Variants in THSD4 observed in about 807,000 individuals in gnomAD.
THSD4 encodes the protein thrombospondin type 1 domain containing 4, also known as thrombospondin type-1 domain-containing protein 4.
THSD4 carries 69 observed loss-of-function variants against 119.0 expected under a neutral mutation model. The ratio of observed to expected loss-of-function variants is 0.58; its 90% confidence interval spans 0.48 to 0.71. The LOEUF (loss-of-function observed/expected upper bound fraction) is 0.71. Among genes scored for constraint, THSD4 ranks in the 30% least tolerant of loss-of-function variants. The probability of loss-of-function intolerance (pLI) is 0.00; values close to 1 mark genes in which losing one functional copy is unlikely to be tolerated. For synonymous variants in THSD4, 524 were observed against 540.4 expected (o/e 0.97, Z 0.42); for missense variants, 1,393 against 1,391.1 (o/e 1.00, Z -0.02).
chr15:71,486,816 C>T (rs1417539827), intron 7 of THSD4, among the ~76,000 whole-genome samples: 1 of 152,026 alleles, frequency 6.6e-6, no homozygotes, highest in Non-Finnish European at 1.5e-5. Flanking sequence ...GCAGCAGGGT[C>T]CTTTTCCTGG....
chr15:71,272,689 C>G (rs921934709), intron 6 of THSD4, among the ~76,000 whole-genome samples: 1 of 151,834 alleles, frequency 6.6e-6, no homozygotes, highest in African/African-American at 2.4e-5. Flanking sequence ...AGTGAAGCCC[C>G]GTCTCTAGTG....
chr15:71,702,109 C>T (rs948455698), intron 8 of THSD4, among the ~76,000 whole-genome samples: 1 of 152,098 alleles, frequency 6.6e-6, no homozygotes, highest in Non-Finnish European at 1.5e-5. Flanking sequence ...CCGTGACTTC[C>T]TCCTTATGGG....
chr15:71,308,991 C>T (rs891249122), intron 6 of THSD4, among the ~76,000 whole-genome samples: 2 of 152,164 alleles, frequency 1.3e-5, no homozygotes, highest in African/African-American at 4.8e-5. Context: ...ACTTCATTGC[C>T]CAGGCTGCAG....
intron 3 of THSD4, among the ~76,000 whole-genome samples, chr15:71,171,450 A>T (rs1378394394): frequency 6.6e-6 from 1 of 152,222 alleles, no homozygotes; most frequent in Non-Finnish European, 1.5e-5. Context: ...TTAAAAATGA[A>T]GGTAAAATAA....
chr15:71,668,719 T>A lies in THSD4; in HGVS notation c.1357+7985T>A, dbSNP rs4238445. Among the ~76,000 whole-genome samples, 402 of 152,306 alleles carry A rather than the reference T, an allele frequency of 2.6e-3. 3 individuals are homozygous for A. The highest frequency in any genetic ancestry group is 2.5e-3 in the Non-Finnish European group (172 of 68,036). On this transcript the variant is annotated intron_variant, in intron 8 of 17. Coordinates refer to ENST00000261862, the MANE Select transcript of THSD4 (RefSeq NM_024817.3). ...TCTCTGACTCTGTAGAACTTAGCCT[T>A]TTAACAAACTCTCACAACGTGCACA... is the stretch of plus-strand genomic sequence containing the variant.
chr15:71,313,144 A>G (rs1224495610), intron 6 of THSD4, among the ~76,000 whole-genome samples: 1 of 152,066 alleles, frequency 6.6e-6, no homozygotes, highest in Admixed American at 6.6e-5. Context: ...ATCAGTATGG[A>G]CCCATGGATA....
chr15:71,384,211 C>G (rs750547758), intron 6 of THSD4, among the ~76,000 whole-genome samples: 6 of 152,166 alleles, frequency 3.9e-5, no homozygotes, highest in Non-Finnish European at 8.8e-5. Context: ...AACCCCGTCT[C>G]TACTAAAAAT....
chr15:71,137,568 T>G (rs1424806195), intron 1 of THSD4, among the ~76,000 whole-genome samples: 1 of 152,188 alleles, frequency 6.6e-6, no homozygotes, highest in Non-Finnish European at 1.5e-5. Flanking sequence ...AAAATGCTGT[T>G]CGTGACCCAA....
At chr15:71,325,655 AATGGACT>A (rs779271552) in intron 6 of THSD4, among the ~76,000 whole-genome samples, 140 of 152,338 alleles carry the variant, frequency 9.2e-4, no homozygotes, top group Non-Finnish European at 1.5e-3. Flanking sequence ...ACATTTGTGC[AATGGACT>A]GTCAGTACTG....
intron 7 of THSD4, among the ~76,000 whole-genome samples, chr15:71,594,970 T>G (rs1411544759): frequency 2.0e-5 from 3 of 152,092 alleles, no homozygotes; most frequent in African/African-American, 7.2e-5. Context: ...AAGGAAGCAT[T>G]TACCAGCTAT....
At chr15:71,133,315 G>C (rs1178771425) in intron 1 of THSD4, among the ~76,000 whole-genome samples, 1 of 152,148 alleles carries the variant, frequency 6.6e-6, no homozygotes, top group Non-Finnish European at 1.5e-5. Context: ...TGGCTGTTTG[G>C]ATCCTGGGCT....
chr15:71,633,519 C>T (rs1401654687), intron 7 of THSD4, among the ~76,000 whole-genome samples: 3 of 152,172 alleles, frequency 2.0e-5, no homozygotes, highest in African/African-American at 7.2e-5. Context: ...AAACGATCCA[C>T]CTGCCTTGGC....
intron 7 of THSD4, among the ~76,000 whole-genome samples, chr15:71,536,951 T>A (rs1344613926): frequency 1.3e-5 from 2 of 152,188 alleles, no homozygotes; most frequent in African/African-American, 2.4e-5. Flanking sequence ...GTTGTTAGTA[T>A]CAGCAGTCAA....
intron 6 of THSD4, among the ~76,000 whole-genome samples, chr15:71,297,397 G>T (rs923005647): frequency 6.6e-6 from 1 of 151,186 alleles, no homozygotes; most frequent in Admixed American, 6.6e-5. Context: ...GTGCAGTGGC[G>T]CAATCTCAGC....
At chr15:71,290,903 A>G (rs372113678) in intron 6 of THSD4, among the ~76,000 whole-genome samples, 1 of 38,206 alleles carries the variant, frequency 2.6e-5, no homozygotes, top group Non-Finnish European at 6.1e-5. Flanking sequence ...GTTAACTTTT[A>G]TTTATAGACA....
chr15:71,365,034 G>C (rs2045938559), intron 6 of THSD4, among the ~76,000 whole-genome samples: 1 of 151,912 alleles, frequency 6.6e-6, no homozygotes, highest in Non-Finnish European at 1.5e-5. Flanking sequence ...ATCTCCCTGA[G>C]TTTCTCTTTT....
At chr15:71,686,556 T>C (rs2051914180) in intron 8 of THSD4, among the ~76,000 whole-genome samples, 1 of 152,128 alleles carries the variant, frequency 6.6e-6, no homozygotes, top group Non-Finnish European at 1.5e-5. Flanking sequence ...ACACATGGGA[T>C]AGTGAGAGTA....
At chr15:71,524,318 G>A (rs1306140882) in intron 7 of THSD4, among the ~76,000 whole-genome samples, 1 of 152,164 alleles carries the variant, frequency 6.6e-6, no homozygotes, top group Non-Finnish European at 1.5e-5. Context: ...GACTTTAATA[G>A]TCCGTGCAAC....
At chr15:71,700,487 CCAT>C (rs1236139665) in intron 8 of THSD4, among the ~76,000 whole-genome samples, 15 of 152,048 alleles carry the variant, frequency 9.9e-5, no homozygotes, top group Non-Finnish European at 2.1e-4. Flanking sequence ...TACTAAAAAG[CCAT>C]CAATTTCCCC....
Sources: gnomAD v4.1 joint callset for allele counts (sites outside exome capture counted in the v4.1 genomes callset) on GRCh38, gnomAD v4.1.1 for gene constraint, MANE v1.5 for transcripts, NCBI Gene and HGNC (gene_info 2026-07-23, HGNC 2026-07-21) for gene names.